Variants in CACNA1E observed in about 807,000 individuals in gnomAD.
The protein encoded by CACNA1E is calcium voltage-gated channel subunit alpha1 E.
CACNA1E carries 40 observed loss-of-function variants against 259.2 expected under a neutral mutation model. The ratio of observed to expected loss-of-function variants is 0.15; its 90% CI spans 0.12 to 0.20. The LOEUF (loss-of-function observed/expected upper bound fraction) is 0.20, where lower values mean the gene tolerates loss of function less well. CACNA1E is among the 10% of genes least tolerant of loss of function. The pLI is 1.00. For synonymous variants in CACNA1E, 1,104 were observed against 1,138.5 expected (o/e 0.97, Z 0.61); for missense variants, 1,874 against 3,040.1 (o/e 0.62, Z 9.02).
At chr1:181,771,156 C>T in intron 35 of CACNA1E, 137 bp from the exon 36 acceptor site, 1 of 603,746 alleles carries the variant, frequency 1.7e-6, no homozygotes, top group Non-Finnish European at 3.0e-6. Flanking sequence ...TATCCAGCAG[C>T]TCTCTGGGTC....
intron 7 of CACNA1E, among the ~76,000 whole-genome samples, chr1:181,675,749 A>G (rs2102228292): frequency 6.6e-6 from 1 of 152,354 alleles, no homozygotes; most frequent in South Asian, 2.1e-4. Context: ...TGGGAGTGTC[A>G]AAGCTGCTTG....
chr1:181,443,254 G>A (rs763850096), intron 2 of CACNA1E, among the ~76,000 whole-genome samples: 7 of 152,248 alleles, frequency 4.6e-5, no homozygotes, highest in Non-Finnish European at 8.8e-5. Context: ...ATGAAAGTAA[G>A]GTGGTGGACA....
chr1:181,329,435 A>G (rs1295774950), intron 1 of CACNA1E, among the ~76,000 whole-genome samples: 1 of 152,020 alleles, frequency 6.6e-6, no homozygotes, highest in Non-Finnish European at 1.5e-5. Context: ...TGTGCCCTGC[A>G]TGCTCCAGCC....
At chr1:181,454,322 T>G (rs1661328371) in intron 2 of CACNA1E, among the ~76,000 whole-genome samples, 1 of 152,204 alleles carries the variant, frequency 6.6e-6, no homozygotes, top group South Asian at 2.1e-4. Context: ...CTCTTAACCT[T>G]CTCTGTACAT....
At chr1:181,602,639 T>A (rs1314453861) in intron 6 of CACNA1E, among the ~76,000 whole-genome samples, 2 of 152,184 alleles carry the variant, frequency 1.3e-5, no homozygotes, top group Non-Finnish European at 2.9e-5. Context: ...TCTCATAGTC[T>A]TTGCACTAGG....
At chr1:181,738,568 C>A (rs1656275046) in intron 24 of CACNA1E, 142 bp downstream of exon 24, 3 of 718,348 alleles carry the variant, frequency 4.2e-6, no homozygotes, top group Non-Finnish European at 7.5e-6. Flanking sequence ...CTTCTCTGGC[C>A]TCAGAATCCT....
At chr1:181,790,346 A>T (rs1661192734) in intron 43 of CACNA1E, 99 bp from the exon 44 acceptor site, 1 of 654,668 alleles carries the variant, frequency 1.5e-6, no homozygotes, top group Non-Finnish European at 2.7e-6. Flanking sequence ...CTAGGTTTAC[A>T]AAAGCCAGCC....
At chr1:181,611,494 C>T (rs1055247475) in intron 6 of CACNA1E, among the ~76,000 whole-genome samples, 7 of 151,614 alleles carry the variant, frequency 4.6e-5, no homozygotes, top group Admixed American at 2.6e-4. Flanking sequence ...GAATGTGAGA[C>T]ATTAGCAGGC....
In CACNA1E at chr1:181,755,174, C is replaced by T. The variant is rs1212897424; in HGVS notation, c.3829-63C>T. 12 of 1,445,432 alleles carry T rather than the reference C, an allele frequency of 8.3e-6. No individual in the cohort carries two copies. In the East Asian group the frequency reaches 2.8e-4, roughly 34 times the overall value. The allele number at this position is 1,445,432 out of a possible 1,614,324, so 89.5% of individuals were successfully genotyped here. On this transcript the variant is annotated intron_variant, in intron 27 of 47. Coordinates refer to ENST00000367573, the MANE Select transcript of CACNA1E (RefSeq NM_001205293.3). ...GTAGTGGTGGTATGGCCCAGCTCGG[C>T]TCTAGGCAAGTATGCAGACCATCAC...
chr1:181,598,890 C>T (rs1332047038), intron 6 of CACNA1E, among the ~76,000 whole-genome samples: 1 of 151,992 alleles, frequency 6.6e-6, no homozygotes, highest in Non-Finnish European at 1.5e-5. Flanking sequence ...GCCGTCTAGG[C>T]TCTTTCCTGC....
Position 181,737,614 on chromosome 1 carries a change from C to T in CACNA1E, c.3512C>T (p.Ala1171Val), listed in dbSNP as rs968528269. 3.7e-6 allele frequency: 6 copies of T among 1,614,018 alleles called. No homozygotes were observed. The highest frequency in any genetic ancestry group is 2.2e-5 in the East Asian group (1 of 44,884). ...ATTGCAGCCAGCAGCATCGCCCTGG[C>T]GGCAGAGGACCCCGTCCTGACCAAC... ...LVIAASSIAL[A>V]AEDPVLTNSE... The change falls in exon 23 of 48, where the codon GCG (alanine) becomes GTG (valine). Residue 1171 changes from alanine to valine, a missense_variant. Coordinates refer to ENST00000367573, the MANE Select transcript of CACNA1E (RefSeq NM_001205293.3).
chr1:181,407,881 A>T (rs1174813641), intron 1 of CACNA1E, among the ~76,000 whole-genome samples: 2 of 152,196 alleles, frequency 1.3e-5, no homozygotes, highest in Non-Finnish European at 2.9e-5. Flanking sequence ...TAAGTTGTAG[A>T]GTATCATATC....
At chr1:181,740,321 G>A (rs930877994) in intron 25 of CACNA1E, among the ~76,000 whole-genome samples, 1 of 152,170 alleles carries the variant, frequency 6.6e-6, no homozygotes, top group South Asian at 2.1e-4. Context: ...TCCCTCCAAG[G>A]GTTTGCCCTT....
intron 6 of CACNA1E, among the ~76,000 whole-genome samples, chr1:181,645,000 C>T (rs898119262): frequency 6.6e-6 from 1 of 152,152 alleles, no homozygotes. Flanking sequence ...TAGCAGCCAA[C>T]AGTTACATAG....
chr1:181,621,334 A>T (rs1655701384), intron 6 of CACNA1E, among the ~76,000 whole-genome samples: 1 of 152,214 alleles, frequency 6.6e-6, no homozygotes, highest in Non-Finnish European at 1.5e-5. Flanking sequence ...TTATGGGGTG[A>T]CTTGTGGTGG....
chr1:181,785,585 T>C, intron 42 of CACNA1E, 128 bp from the exon 43 acceptor site: 1 of 881,772 alleles, frequency 1.1e-6, no homozygotes, highest in Non-Finnish European at 1.9e-6. Flanking sequence ...ACCCAGTGGA[T>C]CGAAGGTTAA....
In CACNA1E at chr1:181,744,087, C is replaced by T. The variant is rs759823194; in HGVS notation, c.3719+4834C>T. On this transcript the variant is annotated intron_variant, in intron 25 of 47. Coordinates refer to ENST00000367573, the MANE Select transcript of CACNA1E (RefSeq NM_001205293.3). ...TCATTATTCAGTCCTTAGCCAGAAA[C>T]GAAAAACATGAGTCAATCTGCCTCT... Among the ~76,000 whole-genome samples, 13 of 152,226 alleles carry T rather than the reference C, an allele frequency of 8.5e-5. No individual in the cohort carries two copies. The East Asian group carries it at 1.7e-3, about 20-fold the overall frequency.
At chr1:181,787,550 A>AT (rs760691283) in intron 43 of CACNA1E, among the ~76,000 whole-genome samples, 1 of 152,134 alleles carries the variant, frequency 6.6e-6, no homozygotes, top group East Asian at 1.9e-4. Flanking sequence ...TTACTCATTG[A>AT]TTTTTACCAA....
At chr1:181,503,079 T>C (rs925407702) in intron 1 of CACNA1E, among the ~76,000 whole-genome samples, 6 of 152,218 alleles carry the variant, frequency 3.9e-5, no homozygotes, top group Admixed American at 3.3e-4. Context: ...TCTGTAAGAA[T>C]GTCTGCTTCT....
Sources: allele counts gnomAD v4.1 joint callset (sites outside exome capture counted in the v4.1 genomes callset), GRCh38; gene constraint gnomAD v4.1.1; transcripts MANE v1.5; gene names NCBI Gene and HGNC (gene_info 2026-07-23, HGNC 2026-07-21).